Variants in PAQR5 observed in about 807,000 individuals in gnomAD.
PAQR5 encodes the protein progestin and adipoQ receptor family member 5, also known as membrane progestin receptor gamma.
A neutral mutation model predicts 34.5 loss-of-function variants in PAQR5; 20 were observed. The ratio of observed to expected loss-of-function variants is 0.58; its 90% CI spans 0.41 to 0.84. The LOEUF (loss-of-function observed/expected upper bound fraction) is 0.84, where lower values mean the gene tolerates loss of function less well. Among genes scored for constraint, PAQR5 ranks in the 40% least tolerant of loss-of-function variants. PAQR5 has a pLI of 0.00. For synonymous variants in PAQR5, 131 were observed against 155.6 expected (o/e 0.84, Z 1.18); for missense variants, 378 against 412.7 (o/e 0.92, Z 0.73).
At position 69,360,070 on chromosome 15, in the gene PAQR5, C is replaced by A; in HGVS notation, c.-11C>A. ...GCTGTCACCTACTGGCCTTGCCAAT[C>A]CAGCTCCAAGATGCTGAGCCTGAAG... On this transcript the variant is annotated 5_prime_UTR_variant, in exon 3 of 9. Transcript: ENST00000395407. The A allele has an allele frequency of 1.2e-6, 2 of 1,612,916 alleles. No homozygotes were observed. The highest frequency in any genetic ancestry group is 1.1e-5 in the South Asian group (1 of 91,028).
chr15:69,311,038 C>CCAAAAAA (rs2053822007), intron 1 of PAQR5, among the ~76,000 whole-genome samples: 1 of 36,118 alleles, frequency 2.8e-5, no homozygotes, highest in Non-Finnish European at 5.6e-5. Context: ...GACTCCGTCG[C>CCAAAAAA]AAAAAATAAA....
At chr15:69,322,306 G>A (rs1269715466) in intron 1 of PAQR5, among the ~76,000 whole-genome samples, 1 of 149,818 alleles carries the variant, frequency 6.7e-6, no homozygotes, top group African/African-American at 2.5e-5. Context: ...TGGCTAACAT[G>A]GTGAAACCCT....
intron 6 of PAQR5, chr15:69,397,100 C>A (rs1567042479): frequency 2.3e-6 from 1 of 443,716 alleles, no homozygotes; most frequent in Non-Finnish European, 4.5e-6. Flanking sequence ...AGTGGATCCC[C>A]CGATTCCCCC....
intron 2 of PAQR5, among the ~76,000 whole-genome samples, chr15:69,359,633 A>G (rs958640199): frequency 2.0e-5 from 3 of 152,150 alleles, no homozygotes; most frequent in African/African-American, 7.2e-5. Context: ...TCAGGGGTCA[A>G]TCTTTAACTA....
At chr15:69,330,835 T>C (rs1246831358) in intron 1 of PAQR5, among the ~76,000 whole-genome samples, 1 of 152,226 alleles carries the variant, frequency 6.6e-6, no homozygotes, top group Non-Finnish European at 1.5e-5. Flanking sequence ...GAATCGGCTT[T>C]GTCTAGGCAG....
intron 1 of PAQR5, among the ~76,000 whole-genome samples, chr15:69,319,568 C>T (rs2054047407): frequency 6.6e-6 from 1 of 152,022 alleles, no homozygotes; most frequent in South Asian, 2.1e-4. Flanking sequence ...ACCTTGGCGG[C>T]TCTGGGTTCT....
chr15:69,334,600 C>T (rs1481217942), intron 1 of PAQR5, among the ~76,000 whole-genome samples: 1 of 152,130 alleles, frequency 6.6e-6, no homozygotes, highest in Non-Finnish European at 1.5e-5. Context: ...CACCCCAGTA[C>T]ATAATTAAAA....
At chr15:69,390,816 T>A (rs1567038837) in intron 6 of PAQR5, among the ~76,000 whole-genome samples, 1 of 150,988 alleles carries the variant, frequency 6.6e-6, no homozygotes, top group Non-Finnish European at 1.5e-5. Context: ...GCTTACGCGC[T>A]CTAATTCCCA....
rs67697746 is a variant in PAQR5, at chr15:69,325,585, C to CTGAA, written c.-276-11716_-276-11713dup. Among the ~76,000 whole-genome samples the CTGAA allele has an allele frequency of 9.4e-3, 1,410 of 150,376 alleles. 19 individuals carry two copies. The highest frequency in any genetic ancestry group is 0.028 in the African/African-American group (1,136 of 40,768). ...ATAGTAGGTATTCAGGAAATGTGTGCTGAATGAATGAATGAATGAATGAAT... is the reference window on the plus strand; with the variant it reads ...ATAGTAGGTATTCAGGAAATGTGTGCTGAATGAATGAATGAATGAATGAATGAAT... On this transcript the variant is annotated intron_variant, in intron 1 of 8. Coordinates refer to ENST00000395407, the MANE Select transcript of PAQR5 (RefSeq NM_017705.4).
At chr15:69,304,831 A>C (rs1187243633) in intron 1 of PAQR5, among the ~76,000 whole-genome samples, 1 of 152,208 alleles carries the variant, frequency 6.6e-6, no homozygotes, top group African/African-American at 2.4e-5. Flanking sequence ...CCAGAGACAC[A>C]GAGACCAACT....
At chr15:69,394,724 G>A (rs922762306) in intron 6 of PAQR5, among the ~76,000 whole-genome samples, 2 of 152,192 alleles carry the variant, frequency 1.3e-5, no homozygotes, top group African/African-American at 4.8e-5. Flanking sequence ...CTGGGCTGTG[G>A]GGCCGCACGT....
intron 1 of PAQR5, chr15:69,314,450 G>C (rs1179035933): frequency 1.3e-5 from 2 of 152,204 alleles, no homozygotes; most frequent in Non-Finnish European, 2.9e-5. Flanking sequence ...CTCGCTGTGT[G>C]GTCCTGAGCA....
At chr15:69,309,978 G>C (rs1199980567) in intron 1 of PAQR5, among the ~76,000 whole-genome samples, 1 of 151,978 alleles carries the variant, frequency 6.6e-6, no homozygotes, top group Non-Finnish European at 1.5e-5. Context: ...AACCCAGGAG[G>C]TGGAGGTCAC....
intron 1 of PAQR5, among the ~76,000 whole-genome samples, chr15:69,324,960 G>A (rs2054213566): frequency 6.6e-6 from 1 of 151,340 alleles, no homozygotes; most frequent in East Asian, 1.9e-4. Context: ...GTGCAGTGGG[G>A]CAATCTCAGC....
At chr15:69,327,243 C>T (rs1183273454) in intron 1 of PAQR5, among the ~76,000 whole-genome samples, 1 of 151,956 alleles carries the variant, frequency 6.6e-6, no homozygotes, top group African/African-American at 2.4e-5. Flanking sequence ...GTGATCTTCC[C>T]GCCTCAGCCT....
intron 6 of PAQR5, chr15:69,396,827 A>T: frequency 3.6e-6 from 1 of 280,686 alleles, no homozygotes; most frequent in Non-Finnish European, 6.9e-6. Flanking sequence ...CTCAACAATC[A>T]GCATCACTTG....
At chr15:69,325,626 TGA>T (rs2054233210) in intron 1 of PAQR5, among the ~76,000 whole-genome samples, 2 of 133,966 alleles carry the variant, frequency 1.5e-5, no homozygotes, top group African/African-American at 5.5e-5. Flanking sequence ...AATGAATGAA[TGA>T]TCAAGCATAT....
chr15:69,314,365 T>C (rs1006779218), intron 1 of PAQR5: 5 of 152,168 alleles, frequency 3.3e-5, no homozygotes, highest in African/African-American at 1.2e-4. Flanking sequence ...TAGAGGCAGT[T>C]CCAGATGCCC....
chr15:69,355,753 T>C (rs2055061477), intron 2 of PAQR5, among the ~76,000 whole-genome samples: 1 of 152,158 alleles, frequency 6.6e-6, no homozygotes, highest in African/African-American at 2.4e-5. Context: ...TTTATACATT[T>C]CTTGGAGACA....
Sources: allele counts gnomAD v4.1 joint callset (sites outside exome capture counted in the v4.1 genomes callset), GRCh38; gene constraint gnomAD v4.1.1; transcripts MANE v1.5; gene names NCBI Gene and HGNC (gene_info 2026-07-23, HGNC 2026-07-21).